MTUS2: variants seen among roughly 807,000 people sequenced by gnomAD.
The protein encoded by MTUS2 is microtubule associated scaffold protein 2.
MTUS2 carries 40 observed loss-of-function variants against 114.1 expected under a neutral mutation model. That is an observed-to-expected ratio of 0.35 (90% CI 0.27 to 0.46). The LOEUF (loss-of-function observed/expected upper bound fraction) is 0.46, where lower values mean the gene tolerates loss of function less well. MTUS2 is among the 20% of genes least tolerant of loss of function. The pLI is 1.00. For missense variants in MTUS2, 1,679 were observed against 1,705.4 expected, an observed-to-expected ratio of 0.98 and a Z score of 0.27; for synonymous variants, 688 against 672.0, an observed-to-expected ratio of 1.02 and a Z score of -0.37.
At chr13:29,180,485 G>T (rs563936461) in intron 5 of MTUS2, among the ~76,000 whole-genome samples, 1 of 152,280 alleles carries the variant, frequency 6.6e-6, no homozygotes, top group Non-Finnish European at 1.5e-5. Context: ...AAGATGTTAA[G>T]GTCACTCAAT....
chr13:29,336,961 T>G (rs2138090368), intron 7 of MTUS2, among the ~76,000 whole-genome samples: 1 of 152,288 alleles, frequency 6.6e-6, no homozygotes, highest in Non-Finnish European at 1.5e-5. Flanking sequence ...AACCACCTAC[T>G]CAAGCCTCAG....
intron 2 of MTUS2, among the ~76,000 whole-genome samples, chr13:28,936,366 C>T: frequency 6.6e-6 from 1 of 152,164 alleles, no homozygotes; most frequent in East Asian, 1.9e-4. Context: ...GATAAAAATG[C>T]TTTATCTGAC....
intron 7 of MTUS2, among the ~76,000 whole-genome samples, chr13:29,345,287 C>T (rs1163673032): frequency 1.3e-5 from 2 of 152,030 alleles, no homozygotes; most frequent in African/African-American, 2.4e-5. Context: ...TTCTCAGAAA[C>T]ACCAATTATT....
intron 2 of MTUS2, among the ~76,000 whole-genome samples, chr13:28,977,110 G>A (rs775621902): frequency 6.6e-6 from 1 of 152,032 alleles, no homozygotes; most frequent in Non-Finnish European, 1.5e-5. Context: ...CATAACCCTG[G>A]GTTCACAAAT....
intron 8 of MTUS2, among the ~76,000 whole-genome samples, chr13:29,394,781 G>A (rs891778714): frequency 7.9e-5 from 12 of 152,156 alleles, no homozygotes; most frequent in Admixed American, 5.2e-4. Flanking sequence ...GCCTCCTGTC[G>A]GATCAGCAGC....
At chr13:29,285,404 TC>T (rs1308651092) in intron 6 of MTUS2, among the ~76,000 whole-genome samples, 1 of 152,166 alleles carries the variant, frequency 6.6e-6, no homozygotes, top group Non-Finnish European at 1.5e-5. Context: ...TGATAAAACA[TC>T]CCTTTTTGCC....
chr13:29,300,696 C>A (rs1899163478), intron 6 of MTUS2, among the ~76,000 whole-genome samples: 1 of 152,066 alleles, frequency 6.6e-6, no homozygotes. Flanking sequence ...GAAGTGAAGT[C>A]TTCAAGGGGT....
At chr13:29,014,451 A>G (rs963325123) in intron 2 of MTUS2, among the ~76,000 whole-genome samples, 3 of 152,228 alleles carry the variant, frequency 2.0e-5, no homozygotes, top group Non-Finnish European at 4.4e-5. Context: ...CCTGCAGTGC[A>G]TGGAGTACTA....
intron 10 of MTUS2, chr13:29,485,110 A>T (rs1314057401): frequency 6.5e-6 from 1 of 152,814 alleles, no homozygotes. Flanking sequence ...GAAGAGAAGG[A>T]TGCTTCAGCC....
At chr13:29,208,332 T>G (rs1036000017) in intron 5 of MTUS2, among the ~76,000 whole-genome samples, 10 of 152,106 alleles carry the variant, frequency 6.6e-5, no homozygotes, top group Non-Finnish European at 1.2e-4. Context: ...CTTTTCTTGG[T>G]TCCTCTTGCT....
In MTUS2 at chr13:29,191,229, G is replaced by A. The variant is rs553439646; in HGVS notation, c.2644+90259G>A. ...GTCTTTTTTGATGATTGCAAGGAAT[G>A]GAAATGGGAAAATGTCAGAATTTCA... On this transcript the variant is annotated intron_variant, in intron 5 of 15. Coordinates refer to ENST00000612955, the MANE Select transcript of MTUS2 (RefSeq NM_001033602.4). Among the ~76,000 whole-genome samples the A allele has an allele frequency of 5.3e-5, 8 of 152,144 alleles. No individual in the cohort carries two copies. The South Asian group carries it at 1.2e-3, about 24-fold the overall frequency.
intron 5 of MTUS2, among the ~76,000 whole-genome samples, chr13:29,175,797 C>A (rs1893748241): frequency 1.3e-5 from 2 of 151,330 alleles, no homozygotes; most frequent in East Asian, 3.9e-4. Context: ...TGGAAACTCA[C>A]AACAGAGGTT....
In MTUS2 at chr13:29,094,355, T is replaced by A. The variant is rs188736827; in HGVS notation, c.2447-6418T>A. Among the ~76,000 whole-genome samples, 934 of 148,224 alleles carry A rather than the reference T, an allele frequency of 6.3e-3. 9 individuals carry two copies. The highest frequency in any genetic ancestry group is 0.021 in the African/African-American group (869 of 40,550). The stretch of plus-strand genomic sequence containing the variant: ...TTTTCTTTGTGGGAATTTTTTTTTT[T>A]ATTTCTAATTCAATCTCTCTTTTAG... On this transcript the variant is annotated intron_variant, in intron 4 of 15. Coordinates refer to ENST00000612955, the MANE Select transcript of MTUS2 (RefSeq NM_001033602.4).
chr13:29,197,934 G>T (rs1406726274), intron 5 of MTUS2, among the ~76,000 whole-genome samples: 1 of 152,128 alleles, frequency 6.6e-6, no homozygotes, highest in African/African-American at 2.4e-5. Context: ...TAAGTTTCTT[G>T]TAGATTCTGG....
intron 4 of MTUS2, among the ~76,000 whole-genome samples, chr13:29,099,565 C>T (rs779197025): frequency 7.2e-5 from 11 of 152,088 alleles, no homozygotes; most frequent in South Asian, 2.1e-4. Context: ...GATTTATAGA[C>T]GTGGAATTTT....
chr13:29,505,539 G>A lies in MTUS2; in HGVS notation c.*2333G>A. On this transcript the variant is annotated 3_prime_UTR_variant, in exon 16 of 16. Coordinates refer to ENST00000612955, the MANE Select transcript of MTUS2 (RefSeq NM_001033602.4). Reference sequence around the variant, plus strand: ...CCATCACCGCTCCCGAAACACATGGGGCGGCAGCTGCTGTGCCTCCTTCTC... The same window carrying A: ...CCATCACCGCTCCCGAAACACATGGAGCGGCAGCTGCTGTGCCTCCTTCTC... 4.3e-6 allele frequency: 1 copy of A among 231,418 alleles called. No individual in the cohort carries two copies. The highest frequency in any genetic ancestry group is 8.6e-6 in the Non-Finnish European group (1 of 116,936). The allele number at this position is 231,418 out of a possible 1,614,324, so 14.3% of individuals were successfully genotyped here.
intron 8 of MTUS2, among the ~76,000 whole-genome samples, chr13:29,415,256 A>G (rs1395518042): frequency 6.6e-6 from 1 of 152,202 alleles, no homozygotes; most frequent in Non-Finnish European, 1.5e-5. Flanking sequence ...TATAGTCACT[A>G]TTATCAAAGT....
intron 8 of MTUS2, among the ~76,000 whole-genome samples, chr13:29,439,048 A>G (rs1877632792): frequency 6.6e-6 from 1 of 152,168 alleles, no homozygotes; most frequent in Non-Finnish European, 1.5e-5. Context: ...GATGATACTC[A>G]TGCTAGGTAT....
At chr13:29,319,383 TC>T (rs1900157314) in intron 6 of MTUS2, among the ~76,000 whole-genome samples, 1 of 152,184 alleles carries the variant, frequency 6.6e-6, no homozygotes, top group East Asian at 1.9e-4. Context: ...GGCCCCTTGT[TC>T]CCCTCTCTTG....
Sources: allele counts gnomAD v4.1 joint callset (sites outside exome capture counted in the v4.1 genomes callset), GRCh38; gene constraint gnomAD v4.1.1; transcripts MANE v1.5; gene names NCBI Gene and HGNC (gene_info 2026-07-23, HGNC 2026-07-21).